The following SAMD4B variants were observed in gnomAD, a reference collection of about 807,000 sequenced individuals.
SAMD4B encodes the protein sterile alpha motif domain containing 4B.
SAMD4B carries 5 observed loss-of-function variants against 74.5 expected under a neutral mutation model. The ratio of observed to expected loss-of-function variants is 0.07; its 90% CI spans 0.04 to 0.14. SAMD4B has a LOEUF of 0.14. Ranked by LOEUF, SAMD4B falls within the 10% of genes least tolerant of loss-of-function variation. SAMD4B has a pLI of 1.00. For synonymous variants in SAMD4B, 373 were observed against 374.9 expected, an observed-to-expected ratio of 1.00 and a Z score of 0.06; for missense variants, 608 against 921.8, an observed-to-expected ratio of 0.66 and a Z score of 4.41.
Position 39,377,469 on chromosome 19 carries a change from G to C in SAMD4B, c.1105-16G>C. The C allele has an allele frequency of 6.5e-7, 1 of 1,545,916 alleles. No individual in the cohort carries two copies. Among genetic ancestry groups the C allele is most frequent in the East Asian group, 2.3e-5 (1 of 44,072 alleles). ...TAGGGTCTGCATGTGACCCCAGCCT[G>C]TGTCCTCCCATCCAGGATGTGCTGG... is the stretch of plus-strand genomic sequence containing the variant. On this transcript the variant is annotated splice_polypyrimidine_tract_variant and intron_variant, in intron 7 of 13. Coordinates refer to ENST00000610417, the MANE Select transcript of SAMD4B (RefSeq NM_001384574.2).
intron 3 of SAMD4B, 92 bp downstream of exon 3, chr19:39,357,181 T>A: frequency 8.4e-7 from 1 of 1,184,216 alleles, no homozygotes; most frequent in Middle Eastern, 2.0e-4. Flanking sequence ...ACAATGGGAC[T>A]AAAAAACGTG....
At chr19:39,362,318 T>G (rs2076704093) in intron 3 of SAMD4B, among the ~76,000 whole-genome samples, 3 of 152,172 alleles carry the variant, frequency 2.0e-5, no homozygotes, top group Admixed American at 2.0e-4. Context: ...TGATTTTGGG[T>G]AGGCCCGGGA....
intron 1 of SAMD4B, among the ~76,000 whole-genome samples, chr19:39,352,717 GA>G (rs1231431236): frequency 2.0e-5 from 3 of 150,498 alleles, no homozygotes; most frequent in Admixed American, 1.3e-4. Flanking sequence ...GGCCTGGGGG[GA>G]AAAGCTGGAT....
At chr19:39,363,709 AG>A (rs149605311) in intron 3 of SAMD4B, among the ~76,000 whole-genome samples, 219 of 152,320 alleles carry the variant, frequency 1.4e-3, no homozygotes, top group African/African-American at 5.0e-3. Context: ...ATATTGAGTT[AG>A]GTCATGGAGG....
intron 10 of SAMD4B, 25 bp downstream of exon 10, chr19:39,380,109 G>A (rs1231237098): frequency 1.3e-6 from 2 of 1,571,118 alleles, no homozygotes; most frequent in South Asian, 1.1e-5. Flanking sequence ...AGGTTACAGG[G>A]ACCTGCCCTC....
chr19:39,354,311 T>C (rs1010513271), intron 2 of SAMD4B, among the ~76,000 whole-genome samples: 1 of 152,166 alleles, frequency 6.6e-6, no homozygotes, highest in African/African-American at 2.4e-5. Context: ...TCTTCAGATA[T>C]TCAAAGTCAG....
chr19:39,376,943 G>A lies in SAMD4B; in HGVS notation c.1104+152G>A, dbSNP rs369630018. The A allele has an allele frequency of 3.0e-5, 19 of 624,410 alleles. No individual in the cohort carries two copies. The Admixed American group carries it at 3.4e-4, about 11-fold the overall frequency. The allele number at this position is 624,410 out of a possible 1,614,324, so 38.7% of individuals were successfully genotyped here. The stretch of plus-strand genomic sequence containing the variant: ...AGACTTCAGGGACCACATGCAAGCC[G>A]GCATCAAAAGGCTCACTTGCTGGTG... On this transcript the variant is annotated intron_variant, in intron 7 of 13. Transcript: ENST00000610417.
chr19:39,390,334 T>C (rs1390754364), downstream of SAMD4B: 1 of 1,571,946 alleles, frequency 6.4e-7, no homozygotes, highest in Non-Finnish European at 8.7e-7. Context: ...AGGACGGGAT[T>C]GACAGGAGAA....
intron 3 of SAMD4B, among the ~76,000 whole-genome samples, chr19:39,363,486 G>C (rs1362868595): frequency 3.3e-5 from 5 of 152,190 alleles, no homozygotes; most frequent in Admixed American, 3.3e-4. Context: ...TACATGAACT[G>C]TTCCCACCAG....
chr19:39,357,087 C>T lies in SAMD4B; in HGVS notation c.194C>T (p.Ala65Val). The T allele has an allele frequency of 6.2e-7, 1 of 1,605,198 alleles. No individual in the cohort carries two copies. The highest frequency in any genetic ancestry group is 1.7e-5 in the Admixed American group (1 of 59,702). Residue 65 changes from alanine (A) to valine (V), a missense_variant and splice_region_variant, in exon 3 of 14, where the codon GCT (alanine) becomes GTT (valine). Physicochemically the swap from Ala to Val is moderately conservative, Grantham distance 64 (BLOSUM62 0). Transcript: ENST00000610417. ...IHLLESEANSAAIVSQWQQES... is the reference protein window; with the variant it reads ...IHLLESEANSVAIVSQWQQES... The stretch of plus-strand genomic sequence containing the variant: ...CTGCTGGAGTCGGAGGCCAACAGTG[C>T]TGGTGAGTTTCCACCCTTAGAGATG...
Position 39,383,860 on chromosome 19 carries a change from T to C in SAMD4B, c.*333T>C. On this transcript the variant is annotated 3_prime_UTR_variant, in exon 14 of 14. Coordinates refer to ENST00000610417, the MANE Select transcript of SAMD4B (RefSeq NM_001384574.2). This position sits in a 1 kb window ranked among gnomAD's most constrained non-coding sequence, Gnocchi z 4.1. The stretch of plus-strand genomic sequence containing the variant: ...TGCCTCCTCCAGACCGCTGACCACC[T>C]GCCTCTCCCCAAGGGAGCAGACTCC... 2.8e-6 allele frequency: 2 copies of C among 718,922 alleles called. No individual in the cohort carries two copies. The highest frequency in any genetic ancestry group is 2.3e-6 in the Non-Finnish European group (1 of 437,028). The allele number at this position is 718,922 out of a possible 1,614,324, so 44.5% of individuals were successfully genotyped here. A position where few individuals can be genotyped will look rare whatever the true frequency, so the allele number is the denominator to read the frequency against.
intron 1 of SAMD4B, among the ~76,000 whole-genome samples, chr19:39,345,292 A>C (rs1013582080): frequency 1.3e-5 from 2 of 152,194 alleles, no homozygotes; most frequent in African/African-American, 4.8e-5. Context: ...TCCTCCAGAA[A>C]GATTTCTTAC....
chr19:39,372,437 C>G lies in SAMD4B; in HGVS notation c.667+2312C>G, dbSNP rs201810595. Among the ~76,000 whole-genome samples the G allele has an allele frequency of 9.9e-5, 15 of 152,272 alleles. No individual in the cohort carries two copies. The East Asian group carries it at 1.7e-3, about 18-fold the overall frequency. Reference sequence around the variant, plus strand: ...GACCTCAGTGTGTGAAGGCTACATTCTGGGGGGCGTTGAAGGACAGGAGAA... The same window carrying G: ...GACCTCAGTGTGTGAAGGCTACATTGTGGGGGGCGTTGAAGGACAGGAGAA... On this transcript the variant is annotated intron_variant, in intron 4 of 13. Coordinates refer to ENST00000610417, the MANE Select transcript of SAMD4B (RefSeq NM_001384574.2).
intron 3 of SAMD4B, among the ~76,000 whole-genome samples, chr19:39,358,767 A>G (rs950421414): frequency 6.6e-6 from 1 of 152,328 alleles, no homozygotes; most frequent in Non-Finnish European, 1.5e-5. Context: ...TAGTCCTCAC[A>G]ACAACCCCAT....
intron 4 of SAMD4B, among the ~76,000 whole-genome samples, chr19:39,374,908 TAAGA>T (rs924914113): frequency 2.0e-5 from 3 of 151,534 alleles, no homozygotes; most frequent in Non-Finnish European, 4.4e-5. Flanking sequence ...ATGGGTGCTG[TAAGA>T]AAGACAAGAC....
chr19:39,370,552 A>AC (rs987073758), intron 4 of SAMD4B, among the ~76,000 whole-genome samples: 3 of 151,224 alleles, frequency 2.0e-5, no homozygotes, highest in African/African-American at 4.9e-5. Flanking sequence ...GCTCCCACCA[A>AC]CCCCCCTTTG....
At position 39,381,050 on chromosome 19, in the gene SAMD4B, G is replaced by A; in HGVS notation, c.1909G>A (p.Val637Met). 1.2e-6 allele frequency: 2 copies of A among 1,613,092 alleles called. No individual in the cohort carries two copies. The highest frequency in any genetic ancestry group is 1.6e-4 in the Middle Eastern group (1 of 6,062). ...NSMPSQSRSS[V>M]QRTHSLPVHS... ...CATGCCCAGTCAGAGCCGCAGCTCT[G>A]TGCAGCGCACCCACTCGCTCCCGGT... Residue 637 changes from valine (V) to methionine (M), a missense_variant, in exon 12 of 14, where the codon GTG becomes ATG. This residue lies in a region of SAMD4B where 167 missense variants were observed against 193.0 expected (regional missense o/e 0.87). Coordinates refer to ENST00000610417, the MANE Select transcript of SAMD4B (RefSeq NM_001384574.2).
chr19:39,386,397 T>C, downstream of SAMD4B: 1 of 1,614,086 alleles, frequency 6.2e-7, no homozygotes, highest in Non-Finnish European at 8.5e-7. This position sits in a 1 kb window ranked among gnomAD's most constrained non-coding sequence, Gnocchi z 6.1. Context: ...CTTCTCCTGC[T>C]CCTCATCTGG....
chr19:39,348,621 A>G (rs1422253655), intron 1 of SAMD4B, among the ~76,000 whole-genome samples: 1 of 152,218 alleles, frequency 6.6e-6, no homozygotes, highest in Non-Finnish European at 1.5e-5. Context: ...TTTTCATTTA[A>G]GGGGATTGGG....
Sources: allele counts gnomAD v4.1 joint callset (sites outside exome capture counted in the v4.1 genomes callset), GRCh38; gene constraint gnomAD v4.1.1; regional missense constraint gnomAD v4.1.1; non-coding constraint Gnocchi (gnomAD v3.1); transcripts MANE v1.5; gene names NCBI Gene and HGNC (gene_info 2026-07-23, HGNC 2026-07-21).